Variants in CDKAL1 observed in about 807,000 individuals in gnomAD.
CDKAL1 encodes the protein threonylcarbamoyladenosine tRNA methylthiotransferase.
In CDKAL1, 32 loss-of-function variants were observed where a neutral mutation model predicts 68.2. The observed-to-expected ratio is 0.47, with a 90% CI of 0.35 to 0.63. The LOEUF (loss-of-function observed/expected upper bound fraction) is 0.63. CDKAL1 is among the 30% of genes least tolerant of loss of function. The pLI is 0.00. For synonymous variants in CDKAL1, 234 were observed against 244.3 expected, an observed-to-expected ratio of 0.96 and a Z score of 0.39; for missense variants, 606 against 696.7, an observed-to-expected ratio of 0.87 and a Z score of 1.47.
intron 8 of CDKAL1, among the ~76,000 whole-genome samples, chr6:20,792,359 A>G (rs1469291653): frequency 6.6e-6 from 1 of 152,224 alleles, no homozygotes; most frequent in Non-Finnish European, 1.5e-5. Flanking sequence ...TCAGTTTTTA[A>G]ACAATGTATG....
chr6:20,871,960 A>G (rs1760243167), intron 9 of CDKAL1, among the ~76,000 whole-genome samples: 1 of 152,142 alleles, frequency 6.6e-6, no homozygotes, highest in Non-Finnish European at 1.5e-5. Flanking sequence ...GGAATTTGCA[A>G]CTAATTTGGC....
chr6:20,555,818 T>G (rs1764018145), intron 4 of CDKAL1, among the ~76,000 whole-genome samples: 1 of 151,476 alleles, frequency 6.6e-6, no homozygotes, highest in African/African-American at 2.4e-5. Flanking sequence ...GAGACGGGGT[T>G]TCACTGTGTT....
intron 13 of CDKAL1, among the ~76,000 whole-genome samples, chr6:21,115,017 A>G (rs775923774): frequency 6.6e-6 from 1 of 152,246 alleles, no homozygotes; most frequent in Non-Finnish European, 1.5e-5. Flanking sequence ...GGGCAGAGGC[A>G]TACAGCAAAA....
chr6:20,828,405 T>A (rs1777585134), intron 8 of CDKAL1, among the ~76,000 whole-genome samples: 1 of 152,004 alleles, frequency 6.6e-6, no homozygotes, highest in Non-Finnish European at 1.5e-5. Flanking sequence ...ATTTTTGTAT[T>A]TTTAGTAGAT....
chr6:20,954,049 G>A (rs1226525128), intron 9 of CDKAL1, among the ~76,000 whole-genome samples: 1 of 152,072 alleles, frequency 6.6e-6, no homozygotes, highest in African/African-American at 2.4e-5. Flanking sequence ...TGTGGGTGTG[G>A]GTGAGGATGT....
chr6:20,574,079 A>ATATTCGTTAT (rs1296833796), intron 4 of CDKAL1, among the ~76,000 whole-genome samples: 1 of 152,196 alleles, frequency 6.6e-6, no homozygotes, highest in Non-Finnish European at 1.5e-5. Context: ...TTATATGAAC[A>ATATTCGTTAT]TATTCGTTAT....
chr6:20,814,759 GT>G (rs1776972693), intron 8 of CDKAL1, among the ~76,000 whole-genome samples: 1 of 152,186 alleles, frequency 6.6e-6, no homozygotes, highest in Non-Finnish European at 1.5e-5. Flanking sequence ...CCTGGCCCCT[GT>G]AGTTCCTGTA....
Position 20,955,479 on chromosome 6 carries a change from G to A in CDKAL1, c.803G>A (p.Gly268Asp), listed in dbSNP as rs1764733774. The A allele has an allele frequency of 1.9e-6, 3 of 1,613,972 alleles. No homozygotes were observed. Among genetic ancestry groups the A allele is most frequent in the South Asian group, 1.1e-5 (1 of 91,082 alleles). ...EDTGAYGRDI[G>D]TNLPTLLWKL... ...ACGGGGGCTTATGGCAGAGATATTGGCACCAATCTCCCCACACTCCTGTGG... is the reference window on the plus strand; with the variant it reads ...ACGGGGGCTTATGGCAGAGATATTGACACCAATCTCCCCACACTCCTGTGG... Residue 268 changes from glycine to aspartate, a missense_variant, in exon 10 of 16, where the codon GGC (glycine) becomes GAC (aspartate). Gly to Asp is a moderately conservative substitution (Grantham distance 94, BLOSUM62 -1). Transcript: ENST00000274695.
At chr6:20,676,537 G>A (rs28719685) in intron 5 of CDKAL1, among the ~76,000 whole-genome samples, 14,032 of 151,888 alleles carry the variant, frequency 0.092, 2,089 homozygotes, top group African/African-American at 0.31. Flanking sequence ...TGTGGTGGCA[G>A]GCGCCTGTGG....
chr6:20,546,298 T>A, intron 2 of CDKAL1, 48 bp from the exon 3 acceptor site: 2 of 1,412,152 alleles, frequency 1.4e-6, no homozygotes, highest in South Asian at 2.6e-5. Flanking sequence ...GATGCTACGC[T>A]AAGCAGATTT....
At position 21,065,242 on chromosome 6, in the gene CDKAL1, C is replaced by A. The variant is rs199847849; in HGVS notation, c.1236+14C>A. 311 of 1,592,360 alleles carry A rather than the reference C, an allele frequency of 2.0e-4. No individual in the cohort carries two copies. The highest frequency in any genetic ancestry group is 1.8e-3 in the Admixed American group (100 of 56,536). ...CCAGCACAAGTGGTAAGATCTTTTT[C>A]TTGTAAGGTATTGTTTTTTGCCAGT... On this transcript the variant is annotated intron_variant, in intron 12 of 15. Coordinates refer to ENST00000274695, the MANE Select transcript of CDKAL1 (RefSeq NM_017774.3).
intron 10 of CDKAL1, among the ~76,000 whole-genome samples, chr6:20,963,055 A>G (rs1430928746): frequency 2.0e-5 from 3 of 152,078 alleles, no homozygotes; most frequent in African/African-American, 7.2e-5. Context: ...GCTCATATAC[A>G]TTTTCTTTTT....
At chr6:21,116,760 A>G (rs970658078) in intron 13 of CDKAL1, among the ~76,000 whole-genome samples, 2 of 152,240 alleles carry the variant, frequency 1.3e-5, no homozygotes, top group Admixed American at 6.5e-5. Flanking sequence ...AACATTCAGT[A>G]TAAAAGTATT....
At chr6:20,816,515 T>G (rs1174486132) in intron 8 of CDKAL1, among the ~76,000 whole-genome samples, 1 of 152,148 alleles carries the variant, frequency 6.6e-6, no homozygotes, top group Non-Finnish European at 1.5e-5. Flanking sequence ...AAATCAGAGG[T>G]CATTAAATTT....
At chr6:20,620,924 A>G (rs61663643) in intron 4 of CDKAL1, among the ~76,000 whole-genome samples, 27,572 of 151,868 alleles carry the variant, frequency 0.18, 2,652 homozygotes, top group East Asian at 0.35. Flanking sequence ...ATTGAAGTCC[A>G]TGGTTTGTTT....
intron 11 of CDKAL1, among the ~76,000 whole-genome samples, chr6:21,038,130 G>T (rs573976281): frequency 6.6e-6 from 1 of 152,324 alleles, no homozygotes; most frequent in African/African-American, 2.4e-5. Flanking sequence ...ATACAAGGGA[G>T]TTTGGCAGCT....
At chr6:21,012,044 A>C (rs1162496954) in intron 11 of CDKAL1, among the ~76,000 whole-genome samples, 1 of 152,192 alleles carries the variant, frequency 6.6e-6, no homozygotes, top group African/African-American at 2.4e-5. Flanking sequence ...TTGAACTTTC[A>C]TCTCATGGTC....
In CDKAL1 at chr6:20,739,506, T is replaced by G; in HGVS notation, c.372-13T>G. ...GCAAAGGAATTCACATTGTCTTCTC[T>G]TCAATCTTTTAGAAAAGCTCAAGAG... On this transcript the variant is annotated splice_polypyrimidine_tract_variant and intron_variant, in intron 5 of 15. Coordinates refer to ENST00000274695, the MANE Select transcript of CDKAL1 (RefSeq NM_017774.3). 1.3e-6 allele frequency: 2 copies of G among 1,571,436 alleles called. No individual in the cohort carries two copies. The highest frequency in any genetic ancestry group is 1.7e-6 in the Non-Finnish European group (2 of 1,144,008).
chr6:20,751,029 T>A (rs1044325525), intron 6 of CDKAL1, among the ~76,000 whole-genome samples: 1 of 147,078 alleles, frequency 6.8e-6, no homozygotes, highest in Non-Finnish European at 1.5e-5. Context: ...TGTTTGAGGA[T>A]TAAGTGTGAT....
Sources: allele counts gnomAD v4.1 joint callset (sites outside exome capture counted in the v4.1 genomes callset), GRCh38; gene constraint gnomAD v4.1.1; transcripts MANE v1.5; gene names NCBI Gene and HGNC (gene_info 2026-07-23, HGNC 2026-07-21).